Variants in ZNF804B observed in about 807,000 individuals in gnomAD.
The protein encoded by ZNF804B is zinc finger 804B.
A neutral mutation model predicts 101.4 loss-of-function variants in ZNF804B; 80 were observed. The ratio of observed to expected loss-of-function variants is 0.79; its 90% CI spans 0.66 to 0.95. The LOEUF (loss-of-function observed/expected upper bound fraction) is 0.95. Ranked by LOEUF, ZNF804B falls within the 40% of genes least tolerant of loss-of-function variation. The pLI is 0.00. For synonymous variants in ZNF804B, 622 were observed against 558.8 expected, an observed-to-expected ratio of 1.11 and a Z score of -1.59; for missense variants, 1,673 against 1,561.9, an observed-to-expected ratio of 1.07 and a Z score of -1.20.
chr7:89,009,808 T>G (rs900035302), intron 1 of ZNF804B, among the ~76,000 whole-genome samples: 2 of 152,176 alleles, frequency 1.3e-5, no homozygotes, highest in Non-Finnish European at 2.9e-5. Context: ...CTGTGAGAAA[T>G]AAATGTCTGT....
chr7:88,778,147 A>C (rs1790173197), intron 1 of ZNF804B, among the ~76,000 whole-genome samples: 1 of 152,170 alleles, frequency 6.6e-6, no homozygotes, highest in Non-Finnish European at 1.5e-5. Context: ...GTATTCTCTC[A>C]AAAGAGAATT....
At chr7:89,095,023 G>A (rs1789950849) in intron 1 of ZNF804B, among the ~76,000 whole-genome samples, 1 of 152,044 alleles carries the variant, frequency 6.6e-6, no homozygotes, top group Non-Finnish European at 1.5e-5. Context: ...TGCTCTTCTT[G>A]TGATACAATG....
chr7:89,289,734 T>G (rs2115893364), intron 2 of ZNF804B, among the ~76,000 whole-genome samples: 1 of 152,256 alleles, frequency 6.6e-6, no homozygotes, highest in African/African-American at 2.4e-5. Flanking sequence ...CTTGTCACCA[T>G]GGGCTAAAGT....
At chr7:88,956,599 T>C (rs1793313463) in intron 1 of ZNF804B, among the ~76,000 whole-genome samples, 1 of 151,444 alleles carries the variant, frequency 6.6e-6, no homozygotes, top group Non-Finnish European at 1.5e-5. Context: ...AAACTTTTAA[T>C]TTTCTAAGCT....
At chr7:89,194,573 C>G in intron 1 of ZNF804B, among the ~76,000 whole-genome samples, 1 of 150,986 alleles carries the variant, frequency 6.6e-6, no homozygotes, top group South Asian at 2.1e-4. Flanking sequence ...ATAAGGAATC[C>G]TTTCCCCATT....
intron 1 of ZNF804B, among the ~76,000 whole-genome samples, chr7:88,867,011 G>T (rs138209145): frequency 2.5e-3 from 376 of 152,248 alleles, no homozygotes; most frequent in Middle Eastern, 0.017. Context: ...TGTGTGCATT[G>T]CTTTGTGGCC....
chr7:89,129,926 T>G (rs1790522683), intron 1 of ZNF804B, among the ~76,000 whole-genome samples: 1 of 152,044 alleles, frequency 6.6e-6, no homozygotes, highest in Non-Finnish European at 1.5e-5. Flanking sequence ...TTCTTAAGGC[T>G]AATGATGAGG....
intron 1 of ZNF804B, among the ~76,000 whole-genome samples, chr7:89,109,463 A>G (rs913656126): frequency 6.6e-6 from 1 of 152,186 alleles, no homozygotes; most frequent in Non-Finnish European, 1.5e-5. Context: ...AATTGTCCCA[A>G]TGCTGGCTGT....
At chr7:89,069,841 A>G (rs529892779) in intron 1 of ZNF804B, among the ~76,000 whole-genome samples, 4 of 152,200 alleles carry the variant, frequency 2.6e-5, no homozygotes, top group Admixed American at 2.6e-4. Flanking sequence ...ATTTCTTTTT[A>G]AAATATTTCA....
chr7:89,036,150 G>A (rs534903126), intron 1 of ZNF804B, among the ~76,000 whole-genome samples: 9 of 150,462 alleles, frequency 6.0e-5, no homozygotes, highest in Admixed American at 3.3e-4. Context: ...AAACCAAAAT[G>A]GGTCATATAT....
At chr7:89,172,566 A>G (rs1042381438) in intron 1 of ZNF804B, among the ~76,000 whole-genome samples, 4 of 152,192 alleles carry the variant, frequency 2.6e-5, no homozygotes, top group African/African-American at 9.6e-5. Flanking sequence ...CTTCCTGAAT[A>G]CAGTAAACTA....
At chr7:88,800,805 C>A (rs1192811674) in intron 1 of ZNF804B, among the ~76,000 whole-genome samples, 2 of 151,250 alleles carry the variant, frequency 1.3e-5, no homozygotes, top group Non-Finnish European at 2.9e-5. Flanking sequence ...AAAATGGAAA[C>A]AATCTGTTCT....
chr7:88,937,115 C>CAAAAAAAAAAA (rs3034325), intron 1 of ZNF804B, among the ~76,000 whole-genome samples: 1 of 110,962 alleles, frequency 9.0e-6, no homozygotes, highest in African/African-American at 3.4e-5. Context: ...ATGAGAATAG[C>CAAAAAAAAAAA]AAAAAAAAAA....
chr7:88,843,271 G>A (rs920457764), intron 1 of ZNF804B, among the ~76,000 whole-genome samples: 13 of 152,052 alleles, frequency 8.5e-5, no homozygotes, highest in African/African-American at 2.9e-4. Context: ...ATGTAATTAT[G>A]AGGAATTTAT....
chr7:89,029,236 T>C (rs964840989), intron 1 of ZNF804B, among the ~76,000 whole-genome samples: 1 of 152,144 alleles, frequency 6.6e-6, no homozygotes, highest in Non-Finnish European at 1.5e-5. Flanking sequence ...CCCGAGTAGC[T>C]GGGATTACAG....
chr7:88,900,631 A>C (rs375176189), intron 1 of ZNF804B, among the ~76,000 whole-genome samples: 10 of 150,440 alleles, frequency 6.6e-5, no homozygotes, highest in East Asian at 3.9e-4. Flanking sequence ...ATTGAGGAGT[A>C]TGCAGTATAC....
chr7:88,832,822 T>C (rs1346505003), intron 1 of ZNF804B, among the ~76,000 whole-genome samples: 1 of 151,882 alleles, frequency 6.6e-6, no homozygotes, highest in Non-Finnish European at 1.5e-5. Context: ...AACAAAACAA[T>C]ACTGGCACAG....
intron 2 of ZNF804B, among the ~76,000 whole-genome samples, chr7:89,234,705 A>G (rs34106402): frequency 0.12 from 18,604 of 152,012 alleles, 1,221 homozygotes; most frequent in Middle Eastern, 0.25. Flanking sequence ...ATAAGGAAAC[A>G]CCTTTCTCCT....
In ZNF804B at chr7:89,185,588, C is replaced by T. The variant is rs572760394; in HGVS notation, c.109-32567C>T. ...TGAAAAGACAGGATCTGGTCGGGCG[C>T]GGTGGCTCATGCTTGTAATCCCCGC... On this transcript the variant is annotated intron_variant, in intron 1 of 3. Transcript: ENST00000333190. Among the ~76,000 whole-genome samples, 270 of 152,272 alleles carry T rather than the reference C, an allele frequency of 1.8e-3. 1 individual carries two copies. The highest frequency in any genetic ancestry group is 6.3e-3 in the African/African-American group (262 of 41,576).
Sources: allele counts gnomAD v4.1 joint callset (sites outside exome capture counted in the v4.1 genomes callset), GRCh38; gene constraint gnomAD v4.1.1; transcripts MANE v1.5; gene names NCBI Gene and HGNC (gene_info 2026-07-23, HGNC 2026-07-21).